Variants in CKAP5 observed in about 807,000 individuals in gnomAD.
The protein encoded by CKAP5 is cytoskeleton associated protein 5.
Under a neutral mutation model 232.8 loss-of-function variants are expected in CKAP5, and 27 were observed. The observed-to-expected ratio is 0.12, with a 90% CI of 0.09 to 0.16. CKAP5 has a LOEUF of 0.16. Among genes scored for constraint, CKAP5 ranks in the 10% least tolerant of loss-of-function variants. CKAP5 has a pLI of 1.00. For synonymous variants in CKAP5, 785 were observed against 841.1 expected (o/e 0.93, Z 1.16); for missense variants, 1,838 against 2,424.7 (o/e 0.76, Z 5.08).
At position 46,765,203 on chromosome 11, in the gene CKAP5, G is replaced by A. The variant is rs2065191845; in HGVS notation, c.3465C>T (p.Asp1155=). 2.5e-6 allele frequency: 4 copies of A among 1,612,646 alleles called. No individual in the cohort carries two copies. Among genetic ancestry groups the A allele is most frequent in the Non-Finnish European group, 3.4e-6 (4 of 1,179,366 alleles). ...PSKTSLKEDE[D]KSGPIFIVVP... ...CAACAATAAAAATAGGCCCGGATTTGTCTTCATCCTCCTTTAAGCTGGTTT... is the reference window on the plus strand; with the variant it reads ...CAACAATAAAAATAGGCCCGGATTTATCTTCATCCTCCTTTAAGCTGGTTT... Residue 1155 remains aspartate, a synonymous_variant, in exon 28 of 44, where the codon GAC becomes GAT. Transcript: ENST00000529230.
In CKAP5 at chr11:46,812,280, G is replaced by A. The variant is rs562089827; in HGVS notation, c.459-1102C>T. Among the ~76,000 whole-genome samples, 20 of 152,040 alleles carry A rather than the reference G, an allele frequency of 1.3e-4. No homozygotes were observed. In the East Asian group the frequency reaches 2.3e-3, roughly 18 times the overall value. The stretch of plus-strand genomic sequence containing the variant: ...CGGGAGGCAGAGGTTGCAGTGAGCC[G>A]AGATCGCGCCACTGCACTCCATCCA... On this transcript the variant is annotated intron_variant, in intron 4 of 43. Coordinates refer to ENST00000529230, the MANE Select transcript of CKAP5 (RefSeq NM_001008938.4).
intron 1 of CKAP5, among the ~76,000 whole-genome samples, chr11:46,830,564 A>G (rs1939767877): frequency 6.6e-6 from 1 of 151,780 alleles, no homozygotes; most frequent in Non-Finnish European, 1.5e-5. Context: ...GGGGCTCTGG[A>G]GGGAGTGTGG....
Position 46,770,797 on chromosome 11 carries a change from C to T in CKAP5, c.3177G>A (p.Gly1059=). The part of the protein sequence containing the change: ...LGYEKMAKAT[G]KLKPTSKDQV... ...CAACAAGAAGTAGTACCTTTAGTTT[C>T]CCAGTAGCCTTGGCCATTTTTTCAT... Residue 1059 remains glycine, a synonymous_variant, in exon 25 of 44, where the codon GGG becomes GGA. Coordinates refer to ENST00000529230, the MANE Select transcript of CKAP5 (RefSeq NM_001008938.4). The T allele has an allele frequency of 6.2e-7, 1 of 1,613,564 alleles. No homozygotes were observed. Among genetic ancestry groups the T allele is most frequent in the Non-Finnish European group, 8.5e-7 (1 of 1,179,860 alleles).
chr11:46,770,190 T>G (rs375124305), intron 25 of CKAP5, 92 bp from the exon 26 acceptor site: 38 of 1,345,956 alleles, frequency 2.8e-5, no homozygotes, highest in Non-Finnish European at 3.9e-5. Flanking sequence ...AAACAAATGA[T>G]TGAGCTCCTA....
intron 13 of CKAP5, 39 bp from the exon 14 acceptor site, chr11:46,790,622 G>C: frequency 7.2e-7 from 1 of 1,389,798 alleles, no homozygotes; most frequent in Non-Finnish European, 1.0e-6. Context: ...AACCACCTAA[G>C]GATTTAAAAT....
Position 46,776,383 on chromosome 11 carries a change from T to A in CKAP5, c.2863A>T (p.Asn955Tyr), listed in dbSNP as rs2065291600. The A allele has an allele frequency of 6.2e-7, 1 of 1,608,050 alleles. No individual in the cohort carries two copies. Among genetic ancestry groups the A allele is most frequent in the Non-Finnish European group, 8.5e-7 (1 of 1,177,404 alleles). The change falls in exon 24 of 44, where the codon AAC becomes TAC. Residue 955 changes from asparagine to tyrosine, a missense_variant and splice_region_variant. By Grantham distance (143) the Asn-to-Tyr change is moderately radical. Transcript: ENST00000529230. Reference protein sequence around the residue: ...PIITVLGDSKNNVRAAALATV... With the variant: ...PIITVLGDSKYNVRAAALATV... ...GCTAGGGCAGCAGCTCGAACATTGT[T>A]CTAAATGGAGAAGATAATCAGCAAA...
intron 8 of CKAP5, among the ~76,000 whole-genome samples, chr11:46,804,924 G>A (rs1472562023): frequency 2.0e-5 from 3 of 151,696 alleles, no homozygotes; most frequent in African/African-American, 7.3e-5. Flanking sequence ...TGAGCTGGGA[G>A]GGAGGCATCT....
rs112274106 is a variant in CKAP5 at position 46,751,513 on chromosome 11, G to A, written c.5155C>T (p.Leu1719=). The A allele has an allele frequency of 5.0e-4, 804 of 1,612,054 alleles. 5 individuals are homozygous for A. The African/African-American group carries it at 9.1e-3, about 18-fold the overall frequency. Residue 1719 remains leucine, a synonymous_variant, in exon 39 of 44, where the codon CTG becomes TTG. Transcript: ENST00000529230. ...ATGCTATTGATGGTATCAGGCAACA[G>A]TCGAACCATTCTCCAGAGACACTAT... ...VMKCLWRMVR[L]LPDTINSINL...
chr11:46,793,853 G>A (rs535844840), intron 13 of CKAP5, among the ~76,000 whole-genome samples: 12 of 152,250 alleles, frequency 7.9e-5, no homozygotes, highest in African/African-American at 2.6e-4. Context: ...CTTGAACCTA[G>A]GGGGTGGAGG....
intron 1 of CKAP5, among the ~76,000 whole-genome samples, chr11:46,824,516 A>C (rs1241389305): frequency 6.6e-6 from 1 of 152,186 alleles, no homozygotes; most frequent in African/African-American, 2.4e-5. Context: ...AAAAGCTGGA[A>C]ACAGTTCACA....
chr11:46,833,341 A>C (rs1939835856), intron 1 of CKAP5, among the ~76,000 whole-genome samples: 3 of 152,168 alleles, frequency 2.0e-5, no homozygotes, highest in Admixed American at 2.0e-4. Context: ...CAAATAAGAG[A>C]AAGGCTGATT....
At position 46,840,254 on chromosome 11, in the gene CKAP5, G is replaced by T. The variant is rs577465473; in HGVS notation, c.-38+5966C>A. Reference sequence around the variant, plus strand: ...CAAGGACCAGAGCTGACCCCAGAGGGATTACAGAAACTATAATTTGCTACA... The same window carrying T: ...CAAGGACCAGAGCTGACCCCAGAGGTATTACAGAAACTATAATTTGCTACA... On this transcript the variant is annotated intron_variant, in intron 1 of 43. Coordinates refer to ENST00000529230, the MANE Select transcript of CKAP5 (RefSeq NM_001008938.4). Among the ~76,000 whole-genome samples the T allele has an allele frequency of 2.3e-4, 35 of 152,268 alleles. No individual in the cohort carries two copies. The South Asian group carries it at 7.3e-3, about 32-fold the overall frequency.
intron 9 of CKAP5, among the ~76,000 whole-genome samples, 161 bp downstream of exon 9, chr11:46,801,039 T>C (rs1193436289): frequency 6.6e-6 from 1 of 152,256 alleles, no homozygotes; most frequent in African/African-American, 2.4e-5. Flanking sequence ...CTGAAATTTC[T>C]AAGATATATC....
intron 4 of CKAP5, among the ~76,000 whole-genome samples, chr11:46,814,223 T>C (rs1303319985): frequency 3.3e-5 from 5 of 151,914 alleles, no homozygotes; most frequent in African/African-American, 1.2e-4. Context: ...ATAAGCATAG[T>C]TCTGATAACT....
chr11:46,798,028 T>C (rs1327980367), intron 10 of CKAP5, 55 bp downstream of exon 10: 4 of 1,604,712 alleles, frequency 2.5e-6, no homozygotes, highest in Admixed American at 3.4e-5. Context: ...AATCAAAATA[T>C]TATATTTACA....
chr11:46,772,278 GT>G lies in CKAP5; in HGVS notation c.2992-1297del, dbSNP rs879548413. ...TAGCTTGTTTTATTATTTTCATGTG[GT>G]TTTTTTTGCAGAGTAAAAGTTTTTA... On this transcript the variant is annotated intron_variant, in intron 24 of 43. Coordinates refer to ENST00000529230, the MANE Select transcript of CKAP5 (RefSeq NM_001008938.4). Among the ~76,000 whole-genome samples the G allele has an allele frequency of 9.3e-5, 14 of 151,280 alleles. No individual in the cohort carries two copies. The East Asian group carries it at 2.5e-3, about 27-fold the overall frequency.
chr11:46,760,383 C>T (rs191795208), intron 33 of CKAP5: 19 of 670,806 alleles, frequency 2.8e-5, no homozygotes, highest in South Asian at 7.7e-5. Context: ...ATTCTGTCCA[C>T]GGAAAAGCAG....
intron 24 of CKAP5, among the ~76,000 whole-genome samples, chr11:46,774,605 T>C (rs1267940636): frequency 1.3e-5 from 2 of 152,172 alleles, no homozygotes; most frequent in Non-Finnish European, 2.9e-5. Flanking sequence ...AAGGCTACAG[T>C]AACCAAAACA....
chr11:46,811,254 A>AC (rs1421248705), intron 4 of CKAP5, 76 bp from the exon 5 acceptor site: 115 of 1,198,062 alleles, frequency 9.6e-5, no homozygotes, highest in Non-Finnish European at 1.2e-4. Context: ...CTTCATTCAA[A>AC]CATAGTTCCA....
Sources: allele counts gnomAD v4.1 joint callset (sites outside exome capture counted in the v4.1 genomes callset), GRCh38; gene constraint gnomAD v4.1.1; transcripts MANE v1.5; gene names NCBI Gene and HGNC (gene_info 2026-07-23, HGNC 2026-07-21).